The following TOGARAM2 variants were observed in gnomAD, a reference collection of about 807,000 sequenced individuals.
The protein encoded by TOGARAM2 is TOG array regulator of axonemal microtubules protein 2.
Under a neutral mutation model 93.3 loss-of-function variants are expected in TOGARAM2, and 85 were observed. That is an observed-to-expected ratio of 0.91 (90% confidence interval 0.76 to 1.09). TOGARAM2 has a LOEUF of 1.09. Among genes scored for constraint, TOGARAM2 ranks in the 50% least tolerant of loss-of-function variants. The pLI is 0.00. For missense variants in TOGARAM2, 1,277 were observed against 1,334.5 expected, an observed-to-expected ratio of 0.96 and a Z score of 0.67; for synonymous variants, 593 against 552.8, an observed-to-expected ratio of 1.07 and a Z score of -1.02.
At chr2:28,967,798 CTTT>C (rs11417570) in intron 1 of TOGARAM2, among the ~76,000 whole-genome samples, 8 of 78,566 alleles carry the variant, frequency 1.0e-4, no homozygotes, top group Non-Finnish European at 1.1e-4. Context: ...ATAAGATGGT[CTTT>C]TTTTTTTTTT....
At chr2:28,987,094 A>G (rs1244602946) in intron 1 of TOGARAM2, among the ~76,000 whole-genome samples, 1 of 152,196 alleles carries the variant, frequency 6.6e-6, no homozygotes, top group East Asian at 1.9e-4. Flanking sequence ...TAGTTACTTA[A>G]CCTCTCTGAA....
chr2:28,961,456 C>A (rs1358381558), intron 1 of TOGARAM2, among the ~76,000 whole-genome samples: 2 of 152,124 alleles, frequency 1.3e-5, no homozygotes, highest in Non-Finnish European at 2.9e-5. Flanking sequence ...ATTCTCCCAC[C>A]TCAGCCTCCC....
chr2:28,979,040 C>T (rs985318195), upstream of TOGARAM2, among the ~76,000 whole-genome samples: 2 of 152,156 alleles, frequency 1.3e-5, no homozygotes, highest in Non-Finnish European at 2.9e-5. Flanking sequence ...GGGCTGGATT[C>T]GTGTCCCTTT....
chr2:28,976,533 CT>C (rs1487585027), upstream of TOGARAM2, among the ~76,000 whole-genome samples: 1 of 152,204 alleles, frequency 6.6e-6, no homozygotes, highest in East Asian at 1.9e-4. Flanking sequence ...CTGACACGTC[CT>C]TTTGTGGAAT....
intron 14 of TOGARAM2, among the ~76,000 whole-genome samples, chr2:29,030,715 T>A (rs1272742109): frequency 1.3e-5 from 2 of 152,136 alleles, no homozygotes; most frequent in African/African-American, 4.8e-5. Flanking sequence ...GCCACCTGAG[T>A]GTAGGTGCTG....
intron 7 of TOGARAM2, 98 bp from the exon 8 acceptor site, chr2:29,014,297 G>T (rs1664419765): frequency 7.2e-7 from 1 of 1,395,626 alleles, no homozygotes; most frequent in African/African-American, 1.4e-5. Flanking sequence ...AGAATTGAGG[G>T]TGTGGGGCTT....
Position 29,035,662 on chromosome 2 carries a change from C to T in TOGARAM2, c.2418+6C>T. ...TCACTGCCCACCTGGTCCAGGTGAG[C>T]ACCGCTTGCTTTTACTCTCCCACCT... On this transcript the variant is annotated splice_donor_region_variant and intron_variant, in intron 17 of 19. Coordinates refer to ENST00000379558, the MANE Select transcript of TOGARAM2 (RefSeq NM_199280.4). 1 of 1,422,878 alleles carries T rather than the reference C, an allele frequency of 7.0e-7. No individual in the cohort carries two copies. The highest frequency in any genetic ancestry group is 9.3e-7 in the Non-Finnish European group (1 of 1,078,082). 88.1% of individuals were successfully genotyped at this position (1,422,878 alleles called of 1,614,324 possible).
intron 18 of TOGARAM2, among the ~76,000 whole-genome samples, chr2:29,044,878 TTC>T (rs1309159373): frequency 5.3e-5 from 8 of 152,248 alleles, no homozygotes; most frequent in African/African-American, 1.7e-4. Flanking sequence ...GGCTCAGTGA[TTC>T]TGTTTCCCCT....
intron 18 of TOGARAM2, among the ~76,000 whole-genome samples, chr2:29,044,054 T>C (rs1666593298): frequency 6.6e-6 from 1 of 152,174 alleles, no homozygotes; most frequent in Admixed American, 6.5e-5. Flanking sequence ...TAAACACTCA[T>C]ACTATTTCAG....
chr2:28,973,043 C>T (rs1671971022), intron 1 of TOGARAM2, among the ~76,000 whole-genome samples: 2 of 152,162 alleles, frequency 1.3e-5, no homozygotes, highest in African/African-American at 4.8e-5. Context: ...GCCTCCGAGT[C>T]CTCTTTTTGT....
upstream of TOGARAM2, among the ~76,000 whole-genome samples, chr2:28,978,825 G>A (rs1672072586): frequency 6.6e-6 from 1 of 152,124 alleles, no homozygotes; most frequent in South Asian, 2.1e-4. Flanking sequence ...GGAACACTGG[G>A]CACTGGAGGA....
At chr2:29,002,459 G>A (rs899905620) in intron 4 of TOGARAM2, 77 bp from the exon 5 acceptor site, 63 of 1,341,066 alleles carry the variant, frequency 4.7e-5, no homozygotes, top group East Asian at 1.7e-4. Flanking sequence ...AGAAGGCCCC[G>A]TTGCTGGGGT....
intron 14 of TOGARAM2, among the ~76,000 whole-genome samples, chr2:29,029,484 C>A (rs532692154): frequency 1.3e-5 from 2 of 152,114 alleles, no homozygotes; most frequent in African/African-American, 4.8e-5. Context: ...GGGCCGGGTG[C>A]GGTGGCTCAC....
chr2:28,970,743 C>T (rs1010708999), intron 1 of TOGARAM2, among the ~76,000 whole-genome samples: 2 of 152,234 alleles, frequency 1.3e-5, no homozygotes, highest in Non-Finnish European at 2.9e-5. Flanking sequence ...TGCTGTCAAA[C>T]TCTGTCCCCA....
intron 1 of TOGARAM2, among the ~76,000 whole-genome samples, chr2:28,982,541 C>T (rs1461309670): frequency 6.6e-6 from 1 of 152,138 alleles, no homozygotes; most frequent in East Asian, 1.9e-4. Context: ...CACAGGCTGG[C>T]TCCCAGGACT....
intron 1 of TOGARAM2, among the ~76,000 whole-genome samples, chr2:28,989,913 C>T (rs918917818): frequency 5.9e-5 from 9 of 152,192 alleles, no homozygotes; most frequent in African/African-American, 2.2e-4. Flanking sequence ...TATTCCCCTT[C>T]ATATCTTAGT....
At position 29,033,459 on chromosome 2, in the gene TOGARAM2, T is replaced by C. The variant is rs374394934; in HGVS notation, c.2131-10T>C. ...CCTTTTGGCTCATGCTCTGTGTGTA[T>C]TTTTTCAAGGGAATAGAAGATAATG... On this transcript the variant is annotated splice_polypyrimidine_tract_variant and intron_variant, in intron 15 of 19. Coordinates refer to ENST00000379558, the MANE Select transcript of TOGARAM2 (RefSeq NM_199280.4). 3 of 1,610,096 alleles carry C rather than the reference T, an allele frequency of 1.9e-6. No homozygotes were observed. The African/African-American group carries it at 4.0e-5, about 22-fold the overall frequency.
intron 6 of TOGARAM2, among the ~76,000 whole-genome samples, chr2:29,004,420 A>G (rs1307730307): frequency 1.3e-5 from 2 of 152,232 alleles, no homozygotes; most frequent in Non-Finnish European, 2.9e-5. Flanking sequence ...TTGGACTTGA[A>G]AAGGGGTCTT....
At chr2:29,002,998 C>T (rs1246869758) in intron 5 of TOGARAM2, among the ~76,000 whole-genome samples, 1 of 152,202 alleles carries the variant, frequency 6.6e-6, no homozygotes, top group East Asian at 1.9e-4. Flanking sequence ...GGCTGCATGA[C>T]CTTTGTCCTA....
Sources: gnomAD v4.1 joint callset for allele counts (sites outside exome capture counted in the v4.1 genomes callset) on GRCh38, gnomAD v4.1.1 for gene constraint, MANE v1.5 for transcripts, NCBI Gene and HGNC (gene_info 2026-07-23, HGNC 2026-07-21) for gene names.